RIPOR3: variants seen among roughly 807,000 people sequenced by gnomAD.
RIPOR3 encodes the protein RIPOR family member 3.
In RIPOR3, 95 loss-of-function variants were observed where a neutral mutation model predicts 114.3. The observed-to-expected ratio is 0.83, with a 90% confidence interval of 0.70 to 0.99. The LOEUF is 0.99. Ranked by LOEUF, RIPOR3 falls within the 50% of genes least tolerant of loss-of-function variation. RIPOR3 has a pLI of 0.00. For missense variants in RIPOR3, 1,252 were observed against 1,266.9 expected (o/e 0.99, Z 0.18); for synonymous variants, 575 against 543.8 (o/e 1.06, Z -0.80).
chr20:50,591,052 A>G (rs1423808894), intron 19 of RIPOR3, among the ~76,000 whole-genome samples: 1 of 152,184 alleles, frequency 6.6e-6, no homozygotes, highest in African/African-American at 2.4e-5. Flanking sequence ...TGCAAGCAGC[A>G]AAGTCTAGAT....
chr20:50,587,847 G>C lies in RIPOR3; in HGVS notation c.2707C>G (p.Leu903Val), dbSNP rs1450336758. ...CGGGCTGCCGCCCGCACGGCCTCCA[G>C]GTCAGACTGGCACAGGCTGGCAGTC... ...DQTASLCQSD[L>V]EAVRAAARET... Residue 903 changes from leucine (L) to valine (V), a missense_variant, in exon 21 of 22, where the codon CTG (leucine) becomes GTG (valine). Coordinates refer to ENST00000327979, the MANE Select transcript of RIPOR3 (RefSeq NM_001290268.2). 2.5e-6 allele frequency: 4 copies of C among 1,614,176 alleles called. No individual in the cohort carries two copies. In the Admixed American group the frequency reaches 6.7e-5, roughly 27 times the overall value.
In RIPOR3 at chr20:50,587,854, C is replaced by G. The variant is rs756959501; in HGVS notation, c.2700G>C (p.Gln900His). 2 of 1,614,184 alleles carry G rather than the reference C, an allele frequency of 1.2e-6. No individual in the cohort carries two copies. Among genetic ancestry groups the G allele is most frequent in the Non-Finnish European group, 1.7e-6 (2 of 1,180,046 alleles). ...ESIDQTASLC[Q>H]SDLEAVRAAA... ...CCGCCCGCACGGCCTCCAGGTCAGA[C>G]TGGCACAGGCTGGCAGTCTGGTCGA... Residue 900 changes from glutamine to histidine, a missense_variant, in exon 21 of 22, where the codon CAG becomes CAC. By Grantham distance (24) the Gln-to-His change is conservative (BLOSUM62 0). Coordinates refer to ENST00000327979, the MANE Select transcript of RIPOR3 (RefSeq NM_001290268.2).
chr20:50,690,825 C>T (rs2087187875), intron 1 of RIPOR3, among the ~76,000 whole-genome samples: 1 of 152,132 alleles, frequency 6.6e-6, no homozygotes, highest in African/African-American at 2.4e-5. Flanking sequence ...CAGTGCCTGG[C>T]GTATAGCAGA....
chr20:50,624,039 G>A (rs1427412507), intron 2 of RIPOR3, among the ~76,000 whole-genome samples: 1 of 152,144 alleles, frequency 6.6e-6, no homozygotes, highest in African/African-American at 2.4e-5. Flanking sequence ...GCTTCACCTT[G>A]TTGGCCAGGC....
chr20:50,624,369 C>G (rs1303387450), intron 2 of RIPOR3, among the ~76,000 whole-genome samples: 1 of 152,160 alleles, frequency 6.6e-6, no homozygotes, highest in East Asian at 1.9e-4. Context: ...CAGGAGCTCG[C>G]TCACTCCCAG....
rs142202581 is a variant in RIPOR3, at chr20:50,626,938, C to T, written c.122+3800G>A. Reference sequence around the variant, plus strand: ...CTGAGGCAGGAGAATCACTTGAACCCGGCAAGTGGAGGTTATGGTGAGCTG... The same window carrying T: ...CTGAGGCAGGAGAATCACTTGAACCTGGCAAGTGGAGGTTATGGTGAGCTG... On this transcript the variant is annotated intron_variant, in intron 2 of 21. Coordinates refer to ENST00000327979, the MANE Select transcript of RIPOR3 (RefSeq NM_001290268.2). 1.1e-3 allele frequency among the ~76,000 whole-genome samples: 171 copies of T among 150,600 alleles called. 1 individual carries two copies. Among genetic ancestry groups the T allele is most frequent in the African/African-American group, 4.0e-3 (164 of 40,832 alleles).
At chr20:50,669,927 C>T (rs1269987305) in intron 1 of RIPOR3, among the ~76,000 whole-genome samples, 5 of 151,474 alleles carry the variant, frequency 3.3e-5, no homozygotes, top group South Asian at 4.2e-4. Context: ...GAGGCCAAGG[C>T]GGGTGGATCA....
In RIPOR3 at chr20:50,600,933, C is replaced by T. The variant is rs1424569416; in HGVS notation, c.1659+1139G>A. 3.9e-5 allele frequency among the ~76,000 whole-genome samples: 6 copies of T among 152,146 alleles called. No individual in the cohort carries two copies. The East Asian group carries it at 7.7e-4, about 20-fold the overall frequency. ...CTTTTTTTCCCCTATGTTGATTTGTCCTGTTGGAGGTGTGGTTGGCGATAA... is the reference window on the plus strand; with the variant it reads ...CTTTTTTTCCCCTATGTTGATTTGTTCTGTTGGAGGTGTGGTTGGCGATAA... On this transcript the variant is annotated intron_variant, in intron 13 of 21. Transcript: ENST00000327979.
intron 1 of RIPOR3, 113 bp from the exon 2 acceptor site, chr20:50,630,969 G>C: frequency 1.2e-6 from 1 of 817,116 alleles, no homozygotes; most frequent in Non-Finnish European, 2.0e-6. Context: ...CCAGAGTGTT[G>C]TGGGGGCTGG....
At chr20:50,610,473 T>C (rs1048930130) in intron 6 of RIPOR3, among the ~76,000 whole-genome samples, 1 of 152,218 alleles carries the variant, frequency 6.6e-6, no homozygotes, top group Non-Finnish European at 1.5e-5. Flanking sequence ...ACAGATCTGC[T>C]ATGCGACCTT....
At chr20:50,613,598 C>T (rs1456952111) in intron 4 of RIPOR3, among the ~76,000 whole-genome samples, 5 of 152,210 alleles carry the variant, frequency 3.3e-5, no homozygotes, top group Non-Finnish European at 7.3e-5. Flanking sequence ...GAGCAGGACT[C>T]GACATGGGCA....
At chr20:50,615,915 G>C in intron 4 of RIPOR3, 87 bp downstream of exon 4, 1 of 1,293,788 alleles carries the variant, frequency 7.7e-7, no homozygotes, top group Non-Finnish European at 1.1e-6. Context: ...GAGTCACACC[G>C]TGACATAGGC....
chr20:50,664,248 C>A (rs1045507221), intron 1 of RIPOR3, among the ~76,000 whole-genome samples: 2 of 152,108 alleles, frequency 1.3e-5, no homozygotes, highest in African/African-American at 4.8e-5. Context: ...CTTTCAAGGA[C>A]AAAAACTGCA....
chr20:50,615,275 G>A (rs2084128664), intron 4 of RIPOR3, among the ~76,000 whole-genome samples: 1 of 151,894 alleles, frequency 6.6e-6, no homozygotes, highest in Non-Finnish European at 1.5e-5. Flanking sequence ...TGTAATCCCA[G>A]CACTTTGGGA....
At chr20:50,668,167 C>T (rs750585638) in intron 1 of RIPOR3, among the ~76,000 whole-genome samples, 5 of 152,164 alleles carry the variant, frequency 3.3e-5, no homozygotes, top group Non-Finnish European at 5.9e-5. Context: ...CTCATCATCC[C>T]GGCAGAGACA....
intron 2 of RIPOR3, among the ~76,000 whole-genome samples, chr20:50,624,249 C>T (rs1032581146): frequency 6.6e-5 from 10 of 152,216 alleles, no homozygotes; most frequent in East Asian, 1.9e-4. Flanking sequence ...CCGGGCCCTC[C>T]GCAAGTTTGC....
At chr20:50,619,027 G>A (rs1009928911) in intron 3 of RIPOR3, among the ~76,000 whole-genome samples, 7 of 152,168 alleles carry the variant, frequency 4.6e-5, no homozygotes, top group Non-Finnish European at 5.9e-5. Context: ...CCTGGCCAAC[G>A]TGGTGAAACC....
At chr20:50,589,445 C>T (rs910515416) in intron 20 of RIPOR3, among the ~76,000 whole-genome samples, 4 of 152,058 alleles carry the variant, frequency 2.6e-5, no homozygotes, top group Admixed American at 2.0e-4. Context: ...TGTGCCACCA[C>T]GCCTAGCTAA....
chr20:50,630,610 G>T (rs575489913), intron 2 of RIPOR3, 128 bp downstream of exon 2: 16 of 624,904 alleles, frequency 2.6e-5, no homozygotes, highest in African/African-American at 3.9e-5. Context: ...TGTCTCTCTC[G>T]GGCTGCAAGC....
Sources: allele counts gnomAD v4.1 joint callset (sites outside exome capture counted in the v4.1 genomes callset), GRCh38; gene constraint gnomAD v4.1.1; transcripts MANE v1.5; gene names NCBI Gene and HGNC (gene_info 2026-07-23, HGNC 2026-07-21).